Variants in IRF6 observed in about 807,000 individuals in gnomAD.
IRF6 encodes the protein interferon regulatory factor 6.
A neutral mutation model predicts 51.4 loss-of-function variants in IRF6; 6 were observed. The observed-to-expected ratio is 0.12, with a 90% CI of 0.06 to 0.23. The LOEUF (loss-of-function observed/expected upper bound fraction) is 0.23, where lower values mean the gene tolerates loss of function less well. IRF6 is among the 10% of genes least tolerant of loss of function. The pLI is 1.00. For synonymous variants in IRF6, 178 were observed against 215.7 expected (o/e 0.83, Z 1.53); for missense variants, 348 against 585.2 (o/e 0.59, Z 4.18).
rs2077972784 is a variant in IRF6 at position 209,806,119 on chromosome 1, C to T, written c.-248G>A. On this transcript the variant is annotated 5_prime_UTR_variant, in exon 1 of 9. Transcript: ENST00000367021. The stretch of plus-strand genomic sequence containing the variant: ...CGCACCAGCCCTTACCTGCCCAGCC[C>T]AGGTGCGCCGAGCTCACGTCAGCGC... 6.6e-6 allele frequency: 1 copy of T among 152,652 alleles called. No homozygotes were observed. The highest frequency in any genetic ancestry group is 1.5e-5 in the Non-Finnish European group (1 of 68,378). 9.5% of individuals were successfully genotyped at this position (152,652 alleles called of 1,614,324 possible). A position where few individuals can be genotyped will look rare whatever the true frequency, so the allele number is the denominator to read the frequency against.
rs680331 is a variant in IRF6 at position 209,786,527 on chromosome 1, G to A, written c.*1893C>T. The stretch of plus-strand genomic sequence containing the variant: ...TGGGTTTTTAACTTTGAGTTCCCAC[G>A]TAGAGATGGGGCAGCCAAATATCAA... On this transcript the variant is annotated 3_prime_UTR_variant, in exon 9 of 9. Transcript: ENST00000367021. 122,953 of 152,042 alleles carry A rather than the reference G, an allele frequency of 0.81. 49,787 individuals carry two copies. The highest frequency in any genetic ancestry group is 0.85 in the African/African-American group (35,128 of 41,468). The allele number at this position is 152,042 out of a possible 1,614,324, so 9.4% of individuals were successfully genotyped here.
chr1:209,802,894 A>G (rs774631697), intron 1 of IRF6, among the ~76,000 whole-genome samples: 12 of 152,232 alleles, frequency 7.9e-5, no homozygotes, highest in Admixed American at 5.2e-4. Context: ...TTCTCTCCCC[A>G]GCCAGACTCC....
Position 209,798,410 on chromosome 1 carries a change from G to A in IRF6, c.175-1858C>T, listed in dbSNP as rs949634294. ...AACTCTGGCCCCACCCAGCTGACTCGGGCTATGAAGACTTTGGCAGAGCTC... is the reference window on the plus strand; with the variant it reads ...AACTCTGGCCCCACCCAGCTGACTCAGGCTATGAAGACTTTGGCAGAGCTC... On this transcript the variant is annotated intron_variant, in intron 3 of 8. Transcript: ENST00000367021. Among the ~76,000 whole-genome samples the A allele has an allele frequency of 7.2e-5, 11 of 152,120 alleles. No individual in the cohort carries two copies. In the South Asian group the frequency reaches 8.3e-4, roughly 11 times the overall value.
intron 6 of IRF6, 31 bp downstream of exon 6, chr1:209,792,238 G>C (rs1244462256): frequency 1.9e-6 from 3 of 1,602,700 alleles, no homozygotes; most frequent in Non-Finnish European, 1.7e-6. Context: ...AGAAGCAGAA[G>C]ACCGAGCAAG....
Position 209,792,416 on chromosome 1 carries a change from C to T in IRF6, c.520G>A (p.Ala174Thr). 2.5e-6 allele frequency: 4 copies of T among 1,614,146 alleles called. No homozygotes were observed. The highest frequency in any genetic ancestry group is 3.4e-6 in the Non-Finnish European group (4 of 1,180,040). The change falls in exon 6 of 9, where the codon GCG (alanine) becomes ACG (threonine). Residue 174 changes from alanine (A) to threonine (T), a missense_variant. Physicochemically the swap from Ala to Thr is moderately conservative, Grantham distance 58. Around this residue, in one of 5 missense-constraint regions of IRF6, gnomAD observed 124 missense variants for 141.6 expected, o/e 0.88. Transcript: ENST00000367021. Reference protein sequence around the residue: ...PFLNINGSPMAPASVGNCSVG... With the variant: ...PFLNINGSPMTPASVGNCSVG... ...CTGCAATTGCCCACACTGGCTGGCG[C>T]CATGGGAGAACCTAAAACAAAAGCA...
rs201071781 is a variant in IRF6, at chr1:209,792,315, T to C, written c.621A>G (p.Ile207Met). 30 of 1,614,214 alleles carry C rather than the reference T, an allele frequency of 1.9e-5. No homozygotes were observed. The highest frequency in any genetic ancestry group is 2.5e-5 in the Non-Finnish European group (29 of 1,180,014). The change falls in exon 6 of 9, where the codon ATA (isoleucine) becomes ATG (methionine). Residue 207 changes from isoleucine (I) to methionine (M), a missense_variant. Around this residue, in one of 5 missense-constraint regions of IRF6, gnomAD observed 124 missense variants for 141.6 expected, o/e 0.88. Coordinates refer to ENST00000367021, the MANE Select transcript of IRF6 (RefSeq NM_006147.4). ...PLEMEVPQAP[I>M]QPFYSSPELW... ...GTTCTGGAGAGCTATAGAAGGGCTG[T>C]ATAGGTGCCTGGGGTACTTCCATCT...
intron 3 of IRF6, among the ~76,000 whole-genome samples, chr1:209,800,039 C>T (rs547242270): frequency 6.6e-6 from 1 of 152,292 alleles, no homozygotes; most frequent in South Asian, 2.1e-4. Context: ...AAGCATGAAT[C>T]TTGAGAGACC....
rs1175681928 is a variant in IRF6, at chr1:209,796,726, C to G, written c.175-174G>C. ...TCCCAACCCCGATTTACAGAGACTG[C>G]AGCAGGAAACACTGCCCTTAGGACC... On this transcript the variant is annotated intron_variant, in intron 3 of 8. Transcript: ENST00000367021. This position sits in a 1 kb window ranked among gnomAD's most constrained non-coding sequence, Gnocchi z 4.5. 2.0e-5 allele frequency among the ~76,000 whole-genome samples: 3 copies of G among 150,698 alleles called. No homozygotes were observed. The highest frequency in any genetic ancestry group is 7.4e-5 in the African/African-American group (3 of 40,810).
In IRF6 at chr1:209,786,372, T is replaced by C. The variant is rs1432679242; in HGVS notation, c.*2048A>G. ...AAAGCTTGGCATTTCTTGGCACTTTTCCAATACCCTTTACCAGCTCACATT... is the reference window on the plus strand; with the variant it reads ...AAAGCTTGGCATTTCTTGGCACTTTCCCAATACCCTTTACCAGCTCACATT... On this transcript the variant is annotated 3_prime_UTR_variant, in exon 9 of 9. Transcript: ENST00000367021. The C allele has an allele frequency of 1.3e-5, 2 of 152,236 alleles. No individual in the cohort carries two copies. Among genetic ancestry groups the C allele is most frequent in the African/African-American group, 4.8e-5 (2 of 41,434 alleles). The allele number at this position is 152,236 out of a possible 1,614,324, so 9.4% of individuals were successfully genotyped here.
intron 1 of IRF6, among the ~76,000 whole-genome samples, chr1:209,804,532 G>C (rs776517752): frequency 6.6e-6 from 1 of 152,218 alleles, no homozygotes; most frequent in South Asian, 2.1e-4. Flanking sequence ...AAATCCCAAC[G>C]CCTGAAGAAC....
intron 1 of IRF6, among the ~76,000 whole-genome samples, chr1:209,802,863 C>T (rs763354373): frequency 1.3e-5 from 2 of 152,332 alleles, no homozygotes; most frequent in East Asian, 1.9e-4. Flanking sequence ...GCTTAGCTGA[C>T]GGGGTGGCCC....
At position 209,786,528 on chromosome 1, in the gene IRF6, T is replaced by G. The variant is rs1166639269; in HGVS notation, c.*1892A>C. 3 of 152,160 alleles carry G rather than the reference T, an allele frequency of 2.0e-5. No individual in the cohort carries two copies. The highest frequency in any genetic ancestry group is 1.3e-4 in the Admixed American group (2 of 15,278). 9.4% of individuals were successfully genotyped at this position (152,160 alleles called of 1,614,324 possible). On this transcript the variant is annotated 3_prime_UTR_variant, in exon 9 of 9. Transcript: ENST00000367021. ...GGGTTTTTAACTTTGAGTTCCCACG[T>G]AGAGATGGGGCAGCCAAATATCAAG...
At chr1:209,792,214 A>G (rs1023653588) in intron 6 of IRF6, 55 bp downstream of exon 6, 30 of 1,554,534 alleles carry the variant, frequency 1.9e-5, no homozygotes, top group Middle Eastern at 1.7e-4. Context: ...GCAGGACAGG[A>G]AAGAGTCTAT....
At chr1:209,803,443 A>C (rs1207408355) in intron 1 of IRF6, among the ~76,000 whole-genome samples, 2 of 152,254 alleles carry the variant, frequency 1.3e-5, no homozygotes, top group Admixed American at 6.5e-5. Flanking sequence ...GCAAAAATTA[A>C]GGCAATCAGG....
In IRF6 at chr1:209,796,785, T is replaced by C. The variant is rs899705221; in HGVS notation, c.175-233A>G. ...CAGGTGCCTAAGGGAAATAAAGCCA[T>C]GTGCAAACACAATATATTAAAAGGA... On this transcript the variant is annotated intron_variant, in intron 3 of 8. Coordinates refer to ENST00000367021, the MANE Select transcript of IRF6 (RefSeq NM_006147.4). This position sits in a 1 kb window ranked among gnomAD's most constrained non-coding sequence, Gnocchi z 4.5. Among the ~76,000 whole-genome samples the C allele has an allele frequency of 1.3e-5, 2 of 152,144 alleles. No individual in the cohort carries two copies. Among genetic ancestry groups the C allele is most frequent in the African/African-American group, 2.4e-5 (1 of 41,432 alleles).
chr1:209,797,646 G>C (rs2077911419), intron 3 of IRF6, among the ~76,000 whole-genome samples: 1 of 152,160 alleles, frequency 6.6e-6, no homozygotes, highest in Non-Finnish European at 1.5e-5. Flanking sequence ...CCCCAGACAA[G>C]AAGAAGTTAG....
rs567132563 is a variant in IRF6, at chr1:209,799,983, G to A, written c.174+1257C>T. Among the ~76,000 whole-genome samples, 249 of 152,236 alleles carry A rather than the reference G, an allele frequency of 1.6e-3. 1 individual carries two copies. Among genetic ancestry groups the A allele is most frequent in the Non-Finnish European group, 1.6e-3 (108 of 68,024 alleles). ...AGGATGGCTTTCTTTTGAACCCTGC[G>A]CTTACATTTTCTGCCCTTTCCCAAC... On this transcript the variant is annotated intron_variant, in intron 3 of 8. Transcript: ENST00000367021.
chr1:209,798,841 G>A (rs1023719917), intron 3 of IRF6, among the ~76,000 whole-genome samples: 30 of 150,044 alleles, frequency 2.0e-4, no homozygotes, highest in Middle Eastern at 3.4e-3. Context: ...CCCGGGAGGC[G>A]GAGTTTGCAG....
In IRF6 at chr1:209,792,453, G is replaced by GA. The variant is rs1361918164; in HGVS notation, c.509-27dup. ...CTAAAACAAAAGCATATGGTGAGCA[G>GA]ACAGGGGTACCACACGTGCACATCA... On this transcript the variant is annotated intron_variant, in intron 5 of 8. Transcript: ENST00000367021. 1.9e-6 allele frequency: 3 copies of GA among 1,611,430 alleles called. No homozygotes were observed. In the African/African-American group the frequency reaches 4.0e-5, roughly 22 times the overall value.
Sources: allele counts gnomAD v4.1 joint callset (sites outside exome capture counted in the v4.1 genomes callset), GRCh38; gene constraint gnomAD v4.1.1; regional missense constraint gnomAD v4.1.1; non-coding constraint Gnocchi (gnomAD v3.1); transcripts MANE v1.5; gene names NCBI Gene and HGNC (gene_info 2026-07-23, HGNC 2026-07-21).